NKAIN2: variants seen among roughly 807,000 people sequenced by gnomAD.
NKAIN2 encodes the protein sodium/potassium transporting ATPase interacting 2.
A neutral mutation model predicts 32.6 loss-of-function variants in NKAIN2; 14 were observed. The observed-to-expected ratio is 0.43, with a 90% CI of 0.28 to 0.67. The LOEUF (loss-of-function observed/expected upper bound fraction) is 0.67, where lower values mean the gene tolerates loss of function less well. NKAIN2 is among the 30% of genes least tolerant of loss of function. The probability of loss-of-function intolerance (pLI) is 0.17; values close to 1 mark genes in which losing one functional copy is unlikely to be tolerated. For missense variants in NKAIN2, 198 were observed against 258.3 expected (o/e 0.77, Z 1.60); for synonymous variants, 80 against 87.2 (o/e 0.92, Z 0.46).
chr6:124,087,532 A>G (rs1168378741), intron 1 of NKAIN2, among the ~76,000 whole-genome samples: 1 of 151,978 alleles, frequency 6.6e-6, no homozygotes. Flanking sequence ...AGAATTGACA[A>G]AAAACTTCCT....
intron 4 of NKAIN2, among the ~76,000 whole-genome samples, chr6:124,684,440 T>C (rs558287568): frequency 6.6e-6 from 1 of 152,222 alleles, no homozygotes; most frequent in South Asian, 2.1e-4. Flanking sequence ...TTAAACAACT[T>C]CTCCAGATAA....
At chr6:123,973,793 G>A (rs1467511851) in intron 1 of NKAIN2, among the ~76,000 whole-genome samples, 1 of 152,110 alleles carries the variant, frequency 6.6e-6, no homozygotes, top group Admixed American at 6.6e-5. Flanking sequence ...GGCCAAAAAA[G>A]ATTTGAAGAA....
intron 3 of NKAIN2, among the ~76,000 whole-genome samples, chr6:124,509,959 A>T (rs1778646348): frequency 6.6e-6 from 1 of 152,204 alleles, no homozygotes; most frequent in South Asian, 2.1e-4. Context: ...AGTCAGAAGA[A>T]ATATTATCTA....
rs536568322 is a variant in NKAIN2, at chr6:124,421,929, C to T, written c.273+66582C>T. Among the ~76,000 whole-genome samples, 3 of 152,220 alleles carry T rather than the reference C, an allele frequency of 2.0e-5. No individual in the cohort carries two copies. The East Asian group carries it at 5.8e-4, about 30-fold the overall frequency. Reference sequence around the variant, plus strand: ...GCATCTGCTGTTTCTCAATTGCCTTCTGTTCAAAATAGTTAATTTGCCAAA... The same window carrying T: ...GCATCTGCTGTTTCTCAATTGCCTTTTGTTCAAAATAGTTAATTTGCCAAA... On this transcript the variant is annotated intron_variant, in intron 3 of 6. Coordinates refer to ENST00000368417, the MANE Select transcript of NKAIN2 (RefSeq NM_001040214.3).
intron 3 of NKAIN2, among the ~76,000 whole-genome samples, chr6:124,438,640 C>T (rs1775562046): frequency 6.6e-6 from 1 of 152,176 alleles, no homozygotes; most frequent in Non-Finnish European, 1.5e-5. Flanking sequence ...TATGTTCTCA[C>T]TGCTTAGCCT....
Position 124,385,330 on chromosome 6 carries a change from C to A in NKAIN2, c.273+29983C>A, listed in dbSNP as rs142554162. Among the ~76,000 whole-genome samples the A allele has an allele frequency of 9.7e-4, 148 of 152,208 alleles. 3 individuals carry two copies. The East Asian group carries it at 0.024, about 25-fold the overall frequency. ...GAAACAGGAGTCTCTTAGCCACTGG[C>A]AGCCCTCTCATAATTTCTTGAGACT... On this transcript the variant is annotated intron_variant, in intron 3 of 6. Coordinates refer to ENST00000368417, the MANE Select transcript of NKAIN2 (RefSeq NM_001040214.3).
At chr6:124,020,300 A>C (rs1562312266) in intron 1 of NKAIN2, among the ~76,000 whole-genome samples, 1 of 152,172 alleles carries the variant, frequency 6.6e-6, no homozygotes, top group African/African-American at 2.4e-5. Context: ...ATCATTGATC[A>C]GTATCCCTTT....
chr6:124,243,120 A>G (rs1198380620), intron 1 of NKAIN2, among the ~76,000 whole-genome samples: 1 of 151,984 alleles, frequency 6.6e-6, no homozygotes, highest in African/African-American at 2.4e-5. Context: ...ATCTGTTGAG[A>G]AAGGTGGAAG....
chr6:123,953,300 G>A (rs1433233739), intron 1 of NKAIN2, among the ~76,000 whole-genome samples: 5 of 152,172 alleles, frequency 3.3e-5, no homozygotes, highest in Admixed American at 1.3e-4. Flanking sequence ...TTAGGCCCCA[G>A]GGTGGCGTAT....
At chr6:123,937,715 G>A (rs992111830) in intron 1 of NKAIN2, among the ~76,000 whole-genome samples, 1 of 152,016 alleles carries the variant, frequency 6.6e-6, no homozygotes, top group Admixed American at 6.6e-5. Flanking sequence ...TTCGTGACTT[G>A]ATGCCCATTT....
intron 1 of NKAIN2, among the ~76,000 whole-genome samples, chr6:123,902,706 A>T (rs1774664683): frequency 6.6e-6 from 1 of 152,204 alleles, no homozygotes; most frequent in Admixed American, 6.5e-5. Context: ...GCATCGATTT[A>T]TTCAGAAGGT....
intron 1 of NKAIN2, among the ~76,000 whole-genome samples, chr6:124,211,544 G>A (rs1162054402): frequency 2.0e-5 from 3 of 151,890 alleles, no homozygotes; most frequent in Non-Finnish European, 4.4e-5. Flanking sequence ...AAATGTAAAT[G>A]TTTGGTGGTA....
intron 3 of NKAIN2, among the ~76,000 whole-genome samples, chr6:124,369,908 A>T (rs998105491): frequency 2.8e-3 from 25 of 9,002 alleles, no homozygotes; most frequent in African/African-American, 0.021. Context: ...TAACCTGTGG[A>T]TTCACTCTGG....
At chr6:124,396,733 T>G in intron 3 of NKAIN2, among the ~76,000 whole-genome samples, 1 of 152,168 alleles carries the variant, frequency 6.6e-6, no homozygotes, top group East Asian at 1.9e-4. Flanking sequence ...ATTAGAATTA[T>G]GTGTGGGAGA....
chr6:124,188,906 C>T (rs1055252084), intron 1 of NKAIN2, among the ~76,000 whole-genome samples: 2 of 152,142 alleles, frequency 1.3e-5, no homozygotes, highest in Non-Finnish European at 2.9e-5. Context: ...TCTGATTCCT[C>T]CCATAACAGC....
intron 4 of NKAIN2, among the ~76,000 whole-genome samples, chr6:124,716,390 T>A (rs1234070757): frequency 6.6e-6 from 1 of 152,170 alleles, no homozygotes; most frequent in Non-Finnish European, 1.5e-5. Context: ...GTATCCAAGA[T>A]GTGGCATGGA....
chr6:124,407,530 AT>A (rs1274878706), intron 3 of NKAIN2, among the ~76,000 whole-genome samples: 5 of 151,956 alleles, frequency 3.3e-5, no homozygotes, highest in Non-Finnish European at 7.4e-5. Flanking sequence ...TGAACTCATC[AT>A]TTTTTATGGC....
At chr6:124,583,824 C>A (rs1314822668) in intron 3 of NKAIN2, among the ~76,000 whole-genome samples, 1 of 152,096 alleles carries the variant, frequency 6.6e-6, no homozygotes, top group Non-Finnish European at 1.5e-5. Context: ...CATAGAGAAC[C>A]CAGAATCAAA....
intron 4 of NKAIN2, among the ~76,000 whole-genome samples, chr6:124,724,578 T>C (rs1776182929): frequency 6.6e-6 from 1 of 152,190 alleles, no homozygotes. Flanking sequence ...CACTATAGTG[T>C]AAAGGAGTAC....
Sources: allele counts gnomAD v4.1 joint callset (sites outside exome capture counted in the v4.1 genomes callset), GRCh38; gene constraint gnomAD v4.1.1; transcripts MANE v1.5; gene names NCBI Gene and HGNC (gene_info 2026-07-23, HGNC 2026-07-21).